C5: variants seen among roughly 807,000 people sequenced by gnomAD.
C5 encodes C3 and PZP-like alpha-2-macroglobulin domain-containing protein 4.
Under a neutral mutation model 218.8 loss-of-function variants are expected in C5, and 140 were observed. The observed-to-expected ratio is 0.64, with a 90% CI of 0.56 to 0.74. The LOEUF (loss-of-function observed/expected upper bound fraction) is 0.74, where lower values mean the gene tolerates loss of function less well. Ranked by LOEUF, C5 falls within the 30% of genes least tolerant of loss-of-function variation. C5 has a pLI of 0.00. For synonymous variants in C5, 614 were observed against 682.3 expected (o/e 0.90, Z 1.56); for missense variants, 1,700 against 1,969.6 (o/e 0.86, Z 2.59).
At chr9:121,024,973 T>C (rs1301896752) in intron 9 of C5, among the ~76,000 whole-genome samples, 2 of 152,222 alleles carry the variant, frequency 1.3e-5, no homozygotes, top group African/African-American at 4.8e-5. Context: ...AACATTAAAA[T>C]AATGTTGAAA....
the C5 span, among the ~76,000 whole-genome samples, chr9:121,058,228 T>C: frequency 1.3e-5 from 2 of 152,304 alleles, no homozygotes; most frequent in African/African-American, 4.8e-5. Context: ...TTGACAACCA[T>C]GCAGAAGGGT....
chr9:120,985,392 C>T (rs1384235015), intron 25 of C5, among the ~76,000 whole-genome samples: 1 of 152,090 alleles, frequency 6.6e-6, no homozygotes, highest in Non-Finnish European at 1.5e-5. Context: ...AGAAATCTGG[C>T]AAAATCTGAT....
At chr9:121,031,359 TA>T (rs969721538) in intron 6 of C5, among the ~76,000 whole-genome samples, 7 of 152,222 alleles carry the variant, frequency 4.6e-5, no homozygotes, top group Non-Finnish European at 2.9e-5. Context: ...AGTGTTGGAC[TA>T]GGGGTAAGGA....
chr9:121,003,790 C>G (rs979932924), intron 20 of C5, among the ~76,000 whole-genome samples: 20 of 145,838 alleles, frequency 1.4e-4, no homozygotes, highest in African/African-American at 5.7e-4. Flanking sequence ...ATGCCAAACT[C>G]TCTCTCATTT....
At chr9:121,047,275 T>TA (rs2047635705) in intron 1 of C5, among the ~76,000 whole-genome samples, 1 of 152,334 alleles carries the variant, frequency 6.6e-6, no homozygotes, top group East Asian at 1.9e-4. Flanking sequence ...TCTCAGTTGT[T>TA]ATGTGTACAG....
At position 120,961,497 on chromosome 9, in the gene C5, A is replaced by T; in HGVS notation, c.4573T>A (p.Cys1525Ser). The change falls in exon 37 of 41, where the codon TGC becomes AGC. Residue 1525 changes from cysteine to serine, a missense_variant. Coordinates refer to ENST00000223642, the MANE Select transcript of C5 (RefSeq NM_001735.3). The stretch of plus-strand genomic sequence containing the variant: ...TAAAGTTTACCTTCTACACACTTGC[A>T]CGCGGCTCCTTCACAGACTTTCTGA... The part of the protein sequence containing the change: ...KIQKVCEGAA[C>S]KCVEADCGQM... 1.2e-6 allele frequency: 2 copies of T among 1,610,656 alleles called. No homozygotes were observed. Among genetic ancestry groups the T allele is most frequent in the Non-Finnish European group, 1.7e-6 (2 of 1,176,844 alleles).
At position 121,023,575 on chromosome 9, in the gene C5, G is replaced by T. The variant is rs561434010; in HGVS notation, c.1001-56C>A. The T allele has an allele frequency of 4.2e-5, 40 of 946,564 alleles. No homozygotes were observed. In the South Asian group the frequency reaches 4.8e-4, roughly 11 times the overall value. 58.6% of individuals were successfully genotyped at this position (946,564 alleles called of 1,614,324 possible). A position where few individuals can be genotyped will look rare whatever the true frequency, so the allele number is the denominator to read the frequency against. Reference sequence around the variant, plus strand: ...TTTTTAGGAGTATCATGATCTGTATGGATATCCATTTCATCTCTATATGTC... The same window carrying T: ...TTTTTAGGAGTATCATGATCTGTATTGATATCCATTTCATCTCTATATGTC... On this transcript the variant is annotated intron_variant, in intron 9 of 40. Coordinates refer to ENST00000223642, the MANE Select transcript of C5 (RefSeq NM_001735.3).
chr9:121,042,113 A>G (rs1056451301), intron 3 of C5, among the ~76,000 whole-genome samples: 21 of 152,224 alleles, frequency 1.4e-4, no homozygotes, highest in African/African-American at 4.8e-4. Context: ...ATGAAATTCC[A>G]TAGCCTCTCC....
the C5 span, among the ~76,000 whole-genome samples, chr9:121,062,579 G>C: frequency 6.6e-6 from 1 of 152,146 alleles, no homozygotes; most frequent in African/African-American, 2.4e-5. Flanking sequence ...GGTATTGGCA[G>C]AGTAAACAAA....
chr9:120,962,289 A>G (rs575888491), intron 36 of C5, among the ~76,000 whole-genome samples: 82 of 152,370 alleles, frequency 5.4e-4, no homozygotes, highest in African/African-American at 1.9e-3. Flanking sequence ...CTATCTGCAA[A>G]GTGTAACAAG....
chr9:121,015,091 TTTCA>T, intron 16 of C5, 104 bp downstream of exon 16: 1 of 742,720 alleles, frequency 1.3e-6, no homozygotes, highest in Non-Finnish European at 2.3e-6. Flanking sequence ...ATATCTTTCT[TTTCA>T]TTCATTTTAT....
intron 37 of C5, among the ~76,000 whole-genome samples, chr9:120,960,632 G>A (rs570563079): frequency 2.0e-5 from 3 of 152,312 alleles, no homozygotes; most frequent in Admixed American, 6.5e-5. Context: ...ACACAAATTC[G>A]TAAACTTTCT....
chr9:121,013,800 C>T, intron 17 of C5, 73 bp downstream of exon 17: 1 of 1,293,876 alleles, frequency 7.7e-7, no homozygotes, highest in East Asian at 2.3e-5. Flanking sequence ...TGAAAACTGC[C>T]TTTCTTAGCA....
At chr9:121,031,591 T>C (rs913396708) in intron 6 of C5, among the ~76,000 whole-genome samples, 1 of 152,168 alleles carries the variant, frequency 6.6e-6, no homozygotes, top group African/African-American at 2.4e-5. Context: ...GTTGTTCTGC[T>C]TGATCAGGGT....
intron 33 of C5, among the ~76,000 whole-genome samples, chr9:120,968,020 C>CA (rs2046882255): frequency 6.6e-6 from 1 of 152,054 alleles, no homozygotes; most frequent in Non-Finnish European, 1.5e-5. Context: ...CTGTACCCGG[C>CA]AAAAAACCTA....
chr9:121,061,651 TTTAA>T, the C5 span, among the ~76,000 whole-genome samples: 1 of 152,268 alleles, frequency 6.6e-6, no homozygotes, highest in South Asian at 2.1e-4. Flanking sequence ...AATTAATAAC[TTTAA>T]TTATTGGCAT....
In C5 at chr9:120,956,038, G is replaced by A. The variant is rs538310101; in HGVS notation, c.4762+1247C>T. Among the ~76,000 whole-genome samples the A allele has an allele frequency of 1.6e-3, 238 of 152,016 alleles. 1 individual carries two copies. Among genetic ancestry groups the A allele is most frequent in the Middle Eastern group, 6.8e-3 (2 of 294 alleles). Reference sequence around the variant, plus strand: ...AGGCCAGGCACGGTGGCTCACACACGTAATCCCAGCATTTCAGGAGGCTGA... The same window carrying A: ...AGGCCAGGCACGGTGGCTCACACACATAATCCCAGCATTTCAGGAGGCTGA... On this transcript the variant is annotated intron_variant, in intron 39 of 40. Coordinates refer to ENST00000223642, the MANE Select transcript of C5 (RefSeq NM_001735.3).
chr9:121,073,452 C>G, the C5 span, among the ~76,000 whole-genome samples: 2 of 151,806 alleles, frequency 1.3e-5, no homozygotes, highest in African/African-American at 4.8e-5. Context: ...ACTATGGGTC[C>G]CTCACTGTTC....
chr9:120,968,551 G>C (rs1246154332), intron 33 of C5, among the ~76,000 whole-genome samples: 1 of 152,134 alleles, frequency 6.6e-6, no homozygotes, highest in East Asian at 1.9e-4. Flanking sequence ...TTGAGGCCTC[G>C]GTATTTAGTT....
Sources: allele counts gnomAD v4.1 joint callset (sites outside exome capture counted in the v4.1 genomes callset), GRCh38; gene constraint gnomAD v4.1.1; transcripts MANE v1.5; gene names NCBI Gene and HGNC (gene_info 2026-07-23, HGNC 2026-07-21).